Variants in RNASET2 observed in about 807,000 individuals in gnomAD.
RNASET2 encodes ribonuclease 6.
Under a neutral mutation model 33.9 loss-of-function variants are expected in RNASET2, and 28 were observed. That is an observed-to-expected ratio of 0.83 (90% CI 0.61 to 1.13). The LOEUF (loss-of-function observed/expected upper bound fraction) is 1.13. RNASET2 is among the 50% of genes most tolerant of loss of function. The pLI is 0.00. For missense variants in RNASET2, 330 were observed against 319.9 expected, an observed-to-expected ratio of 1.03 and a Z score of -0.24; for synonymous variants, 123 against 121.0, an observed-to-expected ratio of 1.02 and a Z score of -0.11.
rs1196765847 is a variant in RNASET2, at chr6:166,922,620, C to G, written c.*6968G>C. Among the ~76,000 whole-genome samples the G allele has an allele frequency of 6.6e-6, 1 of 152,206 alleles. No individual in the cohort carries two copies. Among genetic ancestry groups the G allele is most frequent in the Non-Finnish European group, 1.5e-5 (1 of 68,046 alleles). ...CAGTTTTGATTAGTGAGGTACCAAG[C>G]CCCTGAATATTGGGAGCATCTTGGT... On this transcript the variant is annotated 3_prime_UTR_variant, in exon 9 of 9. Transcript: ENST00000508775.
At chr6:166,942,268 G>C (rs1237952828) in intron 5 of RNASET2, among the ~76,000 whole-genome samples, 2 of 152,138 alleles carry the variant, frequency 1.3e-5, no homozygotes, top group East Asian at 3.9e-4. Context: ...GGCCAGGCTG[G>C]TCTCGAACTC....
In RNASET2 at chr6:166,922,216, T is replaced by A. The variant is rs1346744204; in HGVS notation, c.*7372A>T. On this transcript the variant is annotated 3_prime_UTR_variant, in exon 9 of 9. Transcript: ENST00000508775. Reference sequence around the variant, plus strand: ...TACATGTTTATGTTGGGGACATTATTATAAATGTGAAAGAAGTATCTATAA... The same window carrying A: ...TACATGTTTATGTTGGGGACATTATAATAAATGTGAAAGAAGTATCTATAA... Among the ~76,000 whole-genome samples the A allele has an allele frequency of 6.6e-6, 1 of 152,226 alleles. No homozygotes were observed. Among genetic ancestry groups the A allele is most frequent in the Admixed American group, 6.5e-5 (1 of 15,280 alleles).
Position 166,923,768 on chromosome 6 carries a change from T to A in RNASET2, c.*5820A>T, listed in dbSNP as rs1362190444. Among the ~76,000 whole-genome samples the A allele has an allele frequency of 6.6e-6, 1 of 152,242 alleles. No individual in the cohort carries two copies. The highest frequency in any genetic ancestry group is 1.5e-5 in the Non-Finnish European group (1 of 68,036). ...CCATAAGCAATGCAATGGACTTCTTTTCTATAGACGCCCAAATACTGACTT... is the reference window on the plus strand; with the variant it reads ...CCATAAGCAATGCAATGGACTTCTTATCTATAGACGCCCAAATACTGACTT... On this transcript the variant is annotated 3_prime_UTR_variant, in exon 9 of 9. Transcript: ENST00000508775.
At chr6:166,946,433 C>A (rs934224916) in intron 4 of RNASET2, among the ~76,000 whole-genome samples, 1 of 152,204 alleles carries the variant, frequency 6.6e-6, no homozygotes, top group African/African-American at 2.4e-5. Context: ...CCGGTCGGAG[C>A]CCCTCGCTCA....
Position 166,955,338 on chromosome 6 carries a change from C to A in RNASET2, c.86+759G>T, listed in dbSNP as rs1250437714. The A allele has an allele frequency of 9.1e-4, 125 of 137,714 alleles. 2 individuals are homozygous for A. The highest frequency in any genetic ancestry group is 6.3e-3 in the African/African-American group (117 of 18,708). The allele number at this position is 137,714 out of a possible 1,614,324, so 8.5% of individuals were successfully genotyped here. ...ACACGCACACACACGCACGCACGCA[C>A]ACGCACACGCACGCACACACACACG... On this transcript the variant is annotated intron_variant, in intron 1 of 8. Coordinates refer to ENST00000508775, the MANE Select transcript of RNASET2 (RefSeq NM_003730.6).
chr6:166,948,726 C>G (rs1423517445), intron 2 of RNASET2, 101 bp from the exon 3 acceptor site: 5 of 781,564 alleles, frequency 6.4e-6, no homozygotes, highest in Admixed American at 1.8e-5. Flanking sequence ...GCAACATATG[C>G]CAACGAGATA....
intron 1 of RNASET2, chr6:166,955,532 C>T: frequency 1.0e-6 from 1 of 987,108 alleles, no homozygotes; most frequent in Non-Finnish European, 1.2e-6. Context: ...AGTGTCCCCT[C>T]CACGACTTCT....
chr6:166,923,142 T>C lies in RNASET2; in HGVS notation c.*6446A>G, dbSNP rs1275669574. ...TCACTCTGTTGCCCAGGCTGGAGGG[T>C]GGAGCGCAGTGGCGCAATCTCCACT... On this transcript the variant is annotated 3_prime_UTR_variant, in exon 9 of 9. Transcript: ENST00000508775. 6.6e-6 allele frequency among the ~76,000 whole-genome samples: 1 copy of C among 151,030 alleles called. No homozygotes were observed. Among genetic ancestry groups the C allele is most frequent in the Non-Finnish European group, 1.5e-5 (1 of 67,906 alleles).
At chr6:166,949,500 CAAAAAAAAAAAAAAAAAA>C (rs61621125) in intron 2 of RNASET2, among the ~76,000 whole-genome samples, 1 of 44,408 alleles carries the variant, frequency 2.3e-5, no homozygotes, top group African/African-American at 7.7e-5. Flanking sequence ...GACTCCATCT[CAAAAAAAAAAAAAAAAAA>C]AAAAAAAGAA....
At chr6:166,934,440 C>T (rs917294804) in intron 6 of RNASET2, 10 of 359,768 alleles carry the variant, frequency 2.8e-5, no homozygotes, top group South Asian at 9.8e-5. Flanking sequence ...CATCACCACC[C>T]GTTTGCCACA....
At position 166,929,150 on chromosome 6, in the gene RNASET2, C is replaced by A. The variant is rs973443888; in HGVS notation, c.*438G>T. ...ACAGACCCAGTCTGAGCTAGAGACA[C>A]CCCCCAGGCCCACCAGGCATCAGCG... is the stretch of plus-strand genomic sequence containing the variant. On this transcript the variant is annotated 3_prime_UTR_variant, in exon 9 of 9. Coordinates refer to ENST00000508775, the MANE Select transcript of RNASET2 (RefSeq NM_003730.6). 6.6e-6 allele frequency among the ~76,000 whole-genome samples: 1 copy of A among 152,200 alleles called. No individual in the cohort carries two copies. Among genetic ancestry groups the A allele is most frequent in the Non-Finnish European group, 1.5e-5 (1 of 68,020 alleles).
At chr6:166,943,557 G>A (rs577595173) in intron 4 of RNASET2, 136 of 322,760 alleles carry the variant, frequency 4.2e-4, no homozygotes, top group African/African-American at 2.8e-3. Flanking sequence ...AGGAAGAAGG[G>A]GAGGTATGGC....
intron 1 of RNASET2, 28 bp downstream of exon 1, chr6:166,956,069 C>T: frequency 6.5e-7 from 1 of 1,548,082 alleles, no homozygotes; most frequent in South Asian, 1.2e-5. Context: ...CTCCCACGCT[C>T]CCCACTTTAC....
At chr6:166,937,656 G>A (rs979175048) in intron 6 of RNASET2, among the ~76,000 whole-genome samples, 3 of 152,154 alleles carry the variant, frequency 2.0e-5, no homozygotes, top group Admixed American at 1.3e-4. Context: ...TTTAAGAGCT[G>A]GAAGAGACTT....
At chr6:166,948,350 A>G (rs1435017224) in intron 3 of RNASET2, 6 of 578,576 alleles carry the variant, frequency 1.0e-5, no homozygotes, top group Non-Finnish European at 1.2e-5. Context: ...TGTCTCAGAA[A>G]AAAAAAAAAA....
intron 8 of RNASET2, 32 bp downstream of exon 8, chr6:166,931,012 A>G (rs1778423790): frequency 2.0e-6 from 3 of 1,504,574 alleles, no homozygotes; most frequent in Non-Finnish European, 2.8e-6. Flanking sequence ...TCTTCTTGAG[A>G]AAAAAAGGAA....
intron 1 of RNASET2, among the ~76,000 whole-genome samples, chr6:166,955,114 G>A (rs1301172965): frequency 6.6e-6 from 1 of 152,214 alleles, no homozygotes; most frequent in South Asian, 2.1e-4. Flanking sequence ...ATCTTCCACA[G>A]AATTAAAGTT....
intron 1 of RNASET2, among the ~76,000 whole-genome samples, chr6:166,953,804 C>T: frequency 6.6e-6 from 1 of 150,548 alleles, no homozygotes; most frequent in East Asian, 2.0e-4. Context: ...AGCTTAAGCC[C>T]AGGAGGTGGA....
intron 7 of RNASET2, 57 bp downstream of exon 7, chr6:166,934,034 C>T (rs1482942766): frequency 1.5e-6 from 2 of 1,305,968 alleles, no homozygotes; most frequent in East Asian, 4.6e-5. Flanking sequence ...GCTGAAACGG[C>T]CCTACTGGAG....
Sources: allele counts gnomAD v4.1 joint callset (sites outside exome capture counted in the v4.1 genomes callset), GRCh38; gene constraint gnomAD v4.1.1; transcripts MANE v1.5; gene names NCBI Gene and HGNC (gene_info 2026-07-23, HGNC 2026-07-21).